The following CNTN4 variants were observed in gnomAD, a reference collection of about 807,000 sequenced individuals.
CNTN4 encodes contactin 4.
Under a neutral mutation model 122.5 loss-of-function variants are expected in CNTN4, and 77 were observed. The observed-to-expected ratio is 0.63, with a 90% CI of 0.52 to 0.76. CNTN4 has a LOEUF of 0.76. Among genes scored for constraint, CNTN4 ranks in the 30% least tolerant of loss-of-function variants. The pLI is 0.00. For missense variants in CNTN4, 1,256 were observed against 1,259.1 expected (o/e 1.00, Z 0.04); for synonymous variants, 512 against 447.0 (o/e 1.15, Z -1.83).
chr3:2,428,998 C>G (rs1361113350), intron 3 of CNTN4, among the ~76,000 whole-genome samples: 1 of 152,114 alleles, frequency 6.6e-6, no homozygotes, highest in East Asian at 1.9e-4. Context: ...AGGTTTTTAG[C>G]TTCTTTGTGA....
At chr3:2,897,422 G>A (rs2094127297) in intron 10 of CNTN4, among the ~76,000 whole-genome samples, 1 of 141,064 alleles carries the variant, frequency 7.1e-6, no homozygotes, top group African/African-American at 2.7e-5. Flanking sequence ...CTTAATATGT[G>A]GGCTCTGTAT....
At chr3:2,713,176 T>A (rs1412022171) in intron 4 of CNTN4, among the ~76,000 whole-genome samples, 1 of 152,114 alleles carries the variant, frequency 6.6e-6, no homozygotes, top group African/African-American at 2.4e-5. Flanking sequence ...GTCTTCAGCC[T>A]GTGAGATCTG....
At chr3:2,471,745 T>G (rs932487585) in intron 3 of CNTN4, among the ~76,000 whole-genome samples, 1 of 152,206 alleles carries the variant, frequency 6.6e-6, no homozygotes, top group African/African-American at 2.4e-5. Flanking sequence ...CTAAATGTTC[T>G]AAGCATCAGG....
chr3:2,999,504 T>C (rs1354421499), intron 14 of CNTN4, among the ~76,000 whole-genome samples: 1 of 151,992 alleles, frequency 6.6e-6, no homozygotes, highest in Non-Finnish European at 1.5e-5. Flanking sequence ...GGCTGGGAAG[T>C]CCAAGATCAA....
rs2093367461 is a variant in CNTN4, at chr3:2,841,837, T to G, written c.454+22256T>G. On this transcript the variant is annotated intron_variant, in intron 7 of 24. Transcript: ENST00000418658. This position sits in a 1 kb window ranked among gnomAD's most constrained non-coding sequence, Gnocchi z 4.8. ...ACCAGGGAAATGGCTGGTAAGAGATTTAGTCCTAGGAGTAGGATCTAATCT... is the reference window on the plus strand; with the variant it reads ...ACCAGGGAAATGGCTGGTAAGAGATGTAGTCCTAGGAGTAGGATCTAATCT... 6.7e-6 allele frequency among the ~76,000 whole-genome samples: 1 copy of G among 150,250 alleles called. No homozygotes were observed. The highest frequency in any genetic ancestry group is 2.1e-4 in the South Asian group (1 of 4,830).
intron 5 of CNTN4, among the ~76,000 whole-genome samples, chr3:2,744,660 G>A (rs2089657860): frequency 6.6e-6 from 1 of 152,178 alleles, no homozygotes; most frequent in Non-Finnish European, 1.5e-5. Context: ...GTGTTTAAAT[G>A]ACTTCTGAAA....
At chr3:2,548,600 A>G (rs2078346297) in intron 3 of CNTN4, among the ~76,000 whole-genome samples, 1 of 152,146 alleles carries the variant, frequency 6.6e-6, no homozygotes, top group Non-Finnish European at 1.5e-5. Context: ...CTTTGAAGTC[A>G]GGTAGCATGA....
intron 12 of CNTN4, among the ~76,000 whole-genome samples, chr3:2,923,355 G>A (rs1343425101): frequency 1.3e-5 from 2 of 150,818 alleles, no homozygotes; most frequent in Non-Finnish European, 2.9e-5. Flanking sequence ...TCAGGGGTTT[G>A]CATTGAGTTT....
intron 3 of CNTN4, among the ~76,000 whole-genome samples, chr3:2,427,999 C>T (rs186790082): frequency 2.6e-5 from 4 of 150,998 alleles, no homozygotes; most frequent in African/African-American, 7.4e-5. Context: ...AAATACAGCA[C>T]ACTGACAGGT....
At chr3:2,623,561 G>T (rs753863408) in intron 4 of CNTN4, among the ~76,000 whole-genome samples, 5 of 152,192 alleles carry the variant, frequency 3.3e-5, no homozygotes, top group Non-Finnish European at 7.3e-5. Flanking sequence ...CATGATGAAT[G>T]CTAGTTCCCA....
intron 4 of CNTN4, among the ~76,000 whole-genome samples, chr3:2,683,907 T>C (rs2085296231): frequency 6.6e-6 from 1 of 152,122 alleles, no homozygotes; most frequent in African/African-American, 2.4e-5. Flanking sequence ...AAAAAGAGTC[T>C]CTGGGGACAG....
At chr3:2,479,843 C>T (rs1056099701) in intron 3 of CNTN4, among the ~76,000 whole-genome samples, 1 of 152,106 alleles carries the variant, frequency 6.6e-6, no homozygotes, top group Non-Finnish European at 1.5e-5. Context: ...AGAAATTTCT[C>T]ATGAATGTAG....
At chr3:3,021,083 G>A (rs1187226041) in intron 14 of CNTN4, among the ~76,000 whole-genome samples, 5 of 152,140 alleles carry the variant, frequency 3.3e-5, no homozygotes, top group African/African-American at 1.2e-4. Flanking sequence ...CATGTGAGCT[G>A]CCAATCCCCC....
rs748853919 is a variant in CNTN4, at chr3:2,736,257, G to T, written c.98G>T (p.Ser33Ile). Reference protein sequence around the residue: ...LHGPIFIQEPSPVMFPLDSEE... With the variant: ...LHGPIFIQEPIPVMFPLDSEE... ...GGCCCGATTTTTATTCAAGAACCAA[G>T]TCCTGTAATGTTCCCTTTGGATTCT... Residue 33 changes from serine (S) to isoleucine (I), a missense_variant, in exon 5 of 25, where the codon AGT (serine) becomes ATT (isoleucine). Physicochemically the swap from Ser to Ile is moderately radical, Grantham distance 142. Coordinates refer to ENST00000418658, the MANE Select transcript of CNTN4 (RefSeq NM_175607.3). 19 of 1,613,414 alleles carry T rather than the reference G, an allele frequency of 1.2e-5. No homozygotes were observed. In the South Asian group the frequency reaches 1.2e-4, roughly 10 times the overall value.
At chr3:2,780,366 C>A (rs529867527) in intron 6 of CNTN4, among the ~76,000 whole-genome samples, 4 of 152,284 alleles carry the variant, frequency 2.6e-5, no homozygotes, top group African/African-American at 7.2e-5. Flanking sequence ...CCTCTCAGCC[C>A]TGTTCCCCTA....
At chr3:3,008,418 G>A (rs1042781024) in intron 14 of CNTN4, among the ~76,000 whole-genome samples, 10 of 152,138 alleles carry the variant, frequency 6.6e-5, no homozygotes, top group African/African-American at 2.4e-4. Context: ...ATAACAGCAA[G>A]CCAAAGAAAG....
At position 2,504,107 on chromosome 3, in the gene CNTN4, A is replaced by G. The variant is rs558854378; in HGVS notation, c.-88-67309A>G. Among the ~76,000 whole-genome samples the G allele has an allele frequency of 2.0e-5, 3 of 152,224 alleles. No homozygotes were observed. The East Asian group carries it at 5.8e-4, about 29-fold the overall frequency. ...TGGTACAAGTAAAGTGTCTGGAAGG[A>G]GCTCTCTGCTTCCTTAATAGAGAGT... On this transcript the variant is annotated intron_variant, in intron 3 of 24. Coordinates refer to ENST00000418658, the MANE Select transcript of CNTN4 (RefSeq NM_175607.3).
intron 8 of CNTN4, among the ~76,000 whole-genome samples, chr3:2,877,452 TAC>T (rs2093857660): frequency 6.6e-6 from 1 of 152,260 alleles, no homozygotes; most frequent in African/African-American, 2.4e-5. Flanking sequence ...AAGACATTTT[TAC>T]TTTATGCATA....
chr3:2,503,481 C>G (rs77295381), intron 3 of CNTN4, among the ~76,000 whole-genome samples: 193 of 152,234 alleles, frequency 1.3e-3, no homozygotes, highest in African/African-American at 4.5e-3. Flanking sequence ...TCTTTAAGAG[C>G]TTTACATGAT....
Sources: gnomAD v4.1 joint callset for allele counts (sites outside exome capture counted in the v4.1 genomes callset) on GRCh38, gnomAD v4.1.1 for gene constraint, Gnocchi (gnomAD v3.1) non-coding constraint, MANE v1.5 for transcripts, NCBI Gene and HGNC (gene_info 2026-07-23, HGNC 2026-07-21) for gene names.